Variants in SLC35F3 observed in about 807,000 individuals in gnomAD.
The protein encoded by SLC35F3 is putative thiamine transporter SLC35F3.
Under a neutral mutation model 49.9 loss-of-function variants are expected in SLC35F3, and 25 were observed. The ratio of observed to expected loss-of-function variants is 0.50; its 90% CI spans 0.37 to 0.70. The LOEUF is 0.70. Ranked by LOEUF, SLC35F3 falls within the 30% of genes least tolerant of loss-of-function variation. The pLI is 0.00. For missense variants in SLC35F3, 525 were observed against 639.8 expected (o/e 0.82, Z 1.94); for synonymous variants, 275 against 265.4 (o/e 1.04, Z -0.35).
chr1:234,067,572 C>G (rs1053663707), intron 2 of SLC35F3, among the ~76,000 whole-genome samples: 3 of 152,158 alleles, frequency 2.0e-5, no homozygotes, highest in Admixed American at 2.0e-4. Context: ...ATCTGGGGGC[C>G]TTACAGCTTC....
intron 2 of SLC35F3, among the ~76,000 whole-genome samples, chr1:234,115,114 T>C (rs978691880): frequency 2.0e-5 from 3 of 152,228 alleles, no homozygotes; most frequent in South Asian, 2.1e-4. Context: ...CTGTACTTGC[T>C]TGTGGCTGCC....
intron 3 of SLC35F3, among the ~76,000 whole-genome samples, chr1:234,264,368 G>A (rs967531345): frequency 2.0e-5 from 3 of 152,082 alleles, no homozygotes; most frequent in African/African-American, 7.2e-5. Flanking sequence ...AAGTACACCT[G>A]GCCAGGTGCC....
chr1:234,112,729 T>C (rs1665427773), intron 2 of SLC35F3, among the ~76,000 whole-genome samples: 1 of 135,138 alleles, frequency 7.4e-6, no homozygotes, highest in Non-Finnish European at 1.6e-5. Flanking sequence ...CTAATTTTTT[T>C]TTTTTTTTTT....
At chr1:234,253,082 T>C (rs1370826982) in intron 3 of SLC35F3, among the ~76,000 whole-genome samples, 1 of 152,140 alleles carries the variant, frequency 6.6e-6, no homozygotes, top group East Asian at 1.9e-4. Flanking sequence ...TCCCAGCACT[T>C]TGGGAGGCCA....
At chr1:234,279,238 C>T (rs2102979915) in intron 3 of SLC35F3, among the ~76,000 whole-genome samples, 1 of 152,260 alleles carries the variant, frequency 6.6e-6, no homozygotes, top group Admixed American at 6.5e-5. Flanking sequence ...TGATGAGCCT[C>T]TCCAAAGGGG....
At chr1:234,275,752 G>GA (rs71576411) in intron 3 of SLC35F3, among the ~76,000 whole-genome samples, 21,583 of 138,404 alleles carry the variant, frequency 0.16, 1,846 homozygotes, top group Middle Eastern at 0.19. Context: ...GGTAAGTATT[G>GA]AAAAAAAAAA....
intron 2 of SLC35F3, among the ~76,000 whole-genome samples, chr1:234,101,587 G>A (rs1449356239): frequency 1.3e-5 from 2 of 152,196 alleles, no homozygotes; most frequent in Non-Finnish European, 2.9e-5. Context: ...ATACGAAATG[G>A]TTCTTGGCTC....
chr1:234,227,856 C>T lies in SLC35F3; in HGVS notation c.284-3561C>T, dbSNP rs533557391. Among the ~76,000 whole-genome samples the T allele has an allele frequency of 1.4e-4, 21 of 152,300 alleles. No homozygotes were observed. The South Asian group carries it at 1.5e-3, about 11-fold the overall frequency. On this transcript the variant is annotated intron_variant, in intron 2 of 7. Coordinates refer to ENST00000366618, the MANE Select transcript of SLC35F3 (RefSeq NM_173508.4). ...GAGATATAGCTTCCTCATTGTAACTCCTTCTGTCTGAAACCTGTTTGAGCA... is the reference window on the plus strand; with the variant it reads ...GAGATATAGCTTCCTCATTGTAACTTCTTCTGTCTGAAACCTGTTTGAGCA...
At chr1:234,322,020 A>AAATAAT (rs150010282) in intron 7 of SLC35F3, among the ~76,000 whole-genome samples, 22 of 150,964 alleles carry the variant, frequency 1.5e-4, no homozygotes, top group African/African-American at 3.4e-4. Context: ...ATCTCTACAA[A>AAATAAT]AATAATAATA....
In SLC35F3 at chr1:234,128,488, G is replaced by A. The variant is rs77961048; in HGVS notation, c.284-102929G>A. On this transcript the variant is annotated intron_variant, in intron 2 of 7. Coordinates refer to ENST00000366618, the MANE Select transcript of SLC35F3 (RefSeq NM_173508.4). ...AGTTAGCATCTTGGACGGTGGGTGA[G>A]GGATGAGAATGAGGTGAGGAATGGC... Among the ~76,000 whole-genome samples, 15 of 152,272 alleles carry A rather than the reference G, an allele frequency of 9.9e-5. No individual in the cohort carries two copies. In the East Asian group the frequency reaches 2.7e-3, roughly 27 times the overall value.
chr1:234,021,361 A>G (rs571479214), intron 2 of SLC35F3, among the ~76,000 whole-genome samples: 2 of 152,180 alleles, frequency 1.3e-5, no homozygotes, highest in Non-Finnish European at 2.9e-5. Context: ...CTCCCTCATC[A>G]TCAGAAACCC....
intron 2 of SLC35F3, among the ~76,000 whole-genome samples, chr1:234,099,344 G>T (rs962810513): frequency 6.6e-6 from 1 of 152,118 alleles, no homozygotes; most frequent in Non-Finnish European, 1.5e-5. Flanking sequence ...GTGCGCTGTG[G>T]CTCACGCCTG....
chr1:234,011,603 A>G (rs1235618000), intron 2 of SLC35F3, among the ~76,000 whole-genome samples: 2 of 152,162 alleles, frequency 1.3e-5, no homozygotes, highest in African/African-American at 4.8e-5. Flanking sequence ...TAGACATGCC[A>G]GTTAACCTAA....
At chr1:233,980,246 T>C (rs1449041335) in intron 2 of SLC35F3, among the ~76,000 whole-genome samples, 1 of 152,194 alleles carries the variant, frequency 6.6e-6, no homozygotes, top group Non-Finnish European at 1.5e-5. Context: ...ATCTACTATA[T>C]ACCAGACCCT....
chr1:233,944,168 A>G (rs561324459), intron 2 of SLC35F3, among the ~76,000 whole-genome samples: 1 of 152,356 alleles, frequency 6.6e-6, no homozygotes, highest in South Asian at 2.1e-4. Flanking sequence ...AGCTAGCAGA[A>G]GATAAGAAAT....
At chr1:233,982,233 G>C (rs1663197963) in intron 2 of SLC35F3, among the ~76,000 whole-genome samples, 1 of 152,118 alleles carries the variant, frequency 6.6e-6, no homozygotes, top group Non-Finnish European at 1.5e-5. Context: ...CTGTGATGTT[G>C]AACATACTTC....
chr1:234,311,633 C>T (rs112038074), intron 4 of SLC35F3, among the ~76,000 whole-genome samples: 35 of 152,328 alleles, frequency 2.3e-4, no homozygotes, highest in Non-Finnish European at 4.4e-4. Context: ...AGGAAGCAAA[C>T]GTGTCTTATC....
At position 233,939,025 on chromosome 1, in the gene SLC35F3, C is replaced by G. The variant is rs1662379830; in HGVS notation, c.283+33267C>G. Among the ~76,000 whole-genome samples, 2 of 152,324 alleles carry G rather than the reference C, an allele frequency of 1.3e-5. 1 individual carries two copies. The highest frequency in any genetic ancestry group is 2.9e-5 in the Non-Finnish European group (2 of 68,038). ...GTTTGGAACTGCCAGCATATCCATTCTTCCCAATCCTTGTTATGATGCTTC... is the reference window on the plus strand; with the variant it reads ...GTTTGGAACTGCCAGCATATCCATTGTTCCCAATCCTTGTTATGATGCTTC... On this transcript the variant is annotated intron_variant, in intron 2 of 7. Transcript: ENST00000366618.
chr1:234,075,305 G>A (rs1664776057), intron 2 of SLC35F3, among the ~76,000 whole-genome samples: 2 of 152,164 alleles, frequency 1.3e-5, no homozygotes, highest in Admixed American at 6.5e-5. Context: ...CAGTAGTGGC[G>A]ACCCCACATG....
Sources: gnomAD v4.1 joint callset for allele counts (sites outside exome capture counted in the v4.1 genomes callset) on GRCh38, gnomAD v4.1.1 for gene constraint, MANE v1.5 for transcripts, NCBI Gene and HGNC (gene_info 2026-07-23, HGNC 2026-07-21) for gene names.